The following HECW2 variants were observed in gnomAD, a reference collection of about 807,000 sequenced individuals.
HECW2 encodes HECT, C2 and WW domain containing E3 ubiquitin protein ligase 2.
HECW2 carries 61 observed loss-of-function variants against 175.2 expected under a neutral mutation model. The ratio of observed to expected loss-of-function variants is 0.35; its 90% CI spans 0.28 to 0.43. The LOEUF is 0.43. Ranked by LOEUF, HECW2 falls within the 20% of genes least tolerant of loss-of-function variation. The pLI is 1.00. For missense variants in HECW2, 1,524 were observed against 2,000.5 expected, an observed-to-expected ratio of 0.76 and a Z score of 4.54; for synonymous variants, 671 against 731.0, an observed-to-expected ratio of 0.92 and a Z score of 1.32.
At chr2:196,275,927 C>T (rs1467975856) in intron 15 of HECW2, among the ~76,000 whole-genome samples, 1 of 152,112 alleles carries the variant, frequency 6.6e-6, no homozygotes, top group Non-Finnish European at 1.5e-5. Context: ...GCTCAAATGA[C>T]TCATGTATGT....
intron 2 of HECW2, among the ~76,000 whole-genome samples, chr2:196,426,771 T>C (rs534318400): frequency 4.6e-5 from 7 of 152,238 alleles, no homozygotes; most frequent in Non-Finnish European, 7.4e-5. Context: ...CAACAAGCTG[T>C]AGGGTATCAT....
chr2:196,324,432 T>A (rs1394891759), intron 6 of HECW2, among the ~76,000 whole-genome samples: 1 of 152,210 alleles, frequency 6.6e-6, no homozygotes, highest in Admixed American at 6.5e-5. Flanking sequence ...CAATCTGGCT[T>A]CACTCAGGAT....
chr2:196,426,488 T>C (rs1695550381), intron 2 of HECW2, among the ~76,000 whole-genome samples: 2 of 152,202 alleles, frequency 1.3e-5, no homozygotes, highest in Non-Finnish European at 2.9e-5. Flanking sequence ...TGCATTTCCA[T>C]GATAATTAGT....
At chr2:196,542,443 A>C (rs1489480166) in intron 1 of HECW2, among the ~76,000 whole-genome samples, 2 of 152,318 alleles carry the variant, frequency 1.3e-5, no homozygotes, top group Middle Eastern at 3.4e-3. Flanking sequence ...GTTAAAACTC[A>C]TGTTTTGAAA....
intron 17 of HECW2, among the ~76,000 whole-genome samples, chr2:196,266,940 C>T (rs1488469389): frequency 6.6e-6 from 1 of 152,136 alleles, no homozygotes; most frequent in African/African-American, 2.4e-5. Flanking sequence ...GACACATATC[C>T]ATTTGCCTTT....
In HECW2 at chr2:196,306,561, G is replaced by T; in HGVS notation, c.2741C>A (p.Thr914Lys). ...CACGGGGGGAGACTGTAACAGCAAC[G>T]TGATCCTGGATCTGGAGGTAGAGTG... ...LPHSTSRSRI[T>K]LLLQSPPVKF... Residue 914 changes from threonine (T) to lysine (K), a missense_variant, in exon 13 of 29, where the codon ACG (threonine) becomes AAG (lysine). Thr to Lys is a moderately conservative substitution (Grantham distance 78). This residue lies in a region of HECW2 where 105 missense variants were observed against 98.1 expected (regional missense o/e 1.07). Coordinates refer to ENST00000644978, the MANE Select transcript of HECW2 (RefSeq NM_001348768.2). The T allele has an allele frequency of 6.2e-7, 1 of 1,612,876 alleles. No individual in the cohort carries two copies. The highest frequency in any genetic ancestry group is 8.5e-7 in the Non-Finnish European group (1 of 1,179,402).
At chr2:196,450,713 T>G (rs1192539462) in intron 1 of HECW2, among the ~76,000 whole-genome samples, 1 of 152,006 alleles carries the variant, frequency 6.6e-6, no homozygotes, top group Non-Finnish European at 1.5e-5. Context: ...ACTCCTGACC[T>G]CAGGTGATCC....
chr2:196,392,774 T>G (rs908445488), intron 2 of HECW2, among the ~76,000 whole-genome samples: 3 of 152,134 alleles, frequency 2.0e-5, no homozygotes, highest in African/African-American at 7.2e-5. Flanking sequence ...ACTATTTACA[T>G]ACAAAAGATT....
intron 1 of HECW2, among the ~76,000 whole-genome samples, chr2:196,487,243 T>C (rs1205843166): frequency 6.6e-6 from 1 of 151,996 alleles, no homozygotes; most frequent in Non-Finnish European, 1.5e-5. Context: ...GAGCCCAGGA[T>C]GTTGAGGTGG....
chr2:196,517,140 T>TC (rs1688180168), intron 1 of HECW2, among the ~76,000 whole-genome samples: 1 of 152,226 alleles, frequency 6.6e-6, no homozygotes, highest in East Asian at 1.9e-4. Context: ...CCACCGCTCA[T>TC]TCATACAAGG....
intron 1 of HECW2, among the ~76,000 whole-genome samples, chr2:196,512,693 C>CTT (rs753919610): frequency 6.9e-6 from 1 of 144,896 alleles, no homozygotes; most frequent in Non-Finnish European, 1.5e-5. Flanking sequence ...CCAGATTATA[C>CTT]TTTTTTTTTT....
intron 2 of HECW2, among the ~76,000 whole-genome samples, chr2:196,387,478 C>A (rs1322145803): frequency 6.6e-6 from 1 of 152,144 alleles, no homozygotes; most frequent in African/African-American, 2.4e-5. Context: ...TCACTGGACA[C>A]CGAATCTGCT....
chr2:196,306,969 A>C (rs564242639), intron 12 of HECW2, among the ~76,000 whole-genome samples, 161 bp downstream of exon 12: 1 of 152,208 alleles, frequency 6.6e-6, no homozygotes, highest in Admixed American at 6.5e-5. Context: ...AACATTGAGG[A>C]TTAGAAGAGG....
chr2:196,567,825 A>C (rs1690237179), intron 1 of HECW2, among the ~76,000 whole-genome samples: 1 of 152,182 alleles, frequency 6.6e-6, no homozygotes, highest in Non-Finnish European at 1.5e-5. Context: ...ATTCCTCCCT[A>C]ATGGGAATTA....
At chr2:196,340,184 G>C (rs1692695164) in intron 3 of HECW2, among the ~76,000 whole-genome samples, 1 of 152,094 alleles carries the variant, frequency 6.6e-6, no homozygotes, top group African/African-American at 2.4e-5. Context: ...AAATATTTTA[G>C]AAACTGTCTA....
At chr2:196,421,057 G>A (rs1179314168) in intron 2 of HECW2, among the ~76,000 whole-genome samples, 1 of 152,090 alleles carries the variant, frequency 6.6e-6, no homozygotes, top group Non-Finnish European at 1.5e-5. Flanking sequence ...AAACTTTTAA[G>A]AGAATAGACT....
chr2:196,386,838 T>A (rs1435505998), intron 2 of HECW2, among the ~76,000 whole-genome samples: 6 of 152,164 alleles, frequency 3.9e-5, no homozygotes, highest in African/African-American at 9.6e-5. Context: ...CAAACAAAAC[T>A]AGAAAAAGAA....
chr2:196,425,336 G>C (rs999480232), intron 2 of HECW2, among the ~76,000 whole-genome samples: 1 of 151,918 alleles, frequency 6.6e-6, no homozygotes, highest in African/African-American at 2.4e-5. Context: ...GTAGCCCATG[G>C]GCCAAGGAGT....
chr2:196,546,929 C>A (rs1296609109), intron 1 of HECW2, among the ~76,000 whole-genome samples: 3 of 151,660 alleles, frequency 2.0e-5, no homozygotes. Flanking sequence ...TATACAACTG[C>A]AGAGAAAGAG....
Sources: gnomAD v4.1 joint callset for allele counts (sites outside exome capture counted in the v4.1 genomes callset) on GRCh38, gnomAD v4.1.1 for gene constraint, gnomAD v4.1.1 regional missense constraint, MANE v1.5 for transcripts, NCBI Gene and HGNC (gene_info 2026-07-23, HGNC 2026-07-21) for gene names.